ZNF438: variants seen among roughly 807,000 people sequenced by gnomAD.
ZNF438 encodes the protein zinc finger protein 438.
A neutral mutation model predicts 38.0 loss-of-function variants in ZNF438; 25 were observed. That is an observed-to-expected ratio of 0.66 (90% CI 0.48 to 0.92). ZNF438 has a LOEUF of 0.92. Among genes scored for constraint, ZNF438 ranks in the 40% least tolerant of loss-of-function variants. The probability of loss-of-function intolerance (pLI) is 0.00; values close to 1 mark genes in which losing one functional copy is unlikely to be tolerated. For missense variants in ZNF438, 1,007 were observed against 999.6 expected (o/e 1.01, Z -0.10); for synonymous variants, 372 against 364.1 (o/e 1.02, Z -0.25).
At chr10:30,848,951 T>C (rs539014645) in exon 5 of ZNF438, 1 of 1,614,122 alleles carries the variant, frequency 6.2e-7, no homozygotes, top group South Asian at 1.1e-5. Flanking sequence ...GGAAGAGCTG[T>C]TGTCTTGCTT....
chr10:30,983,208 G>A (rs1354253395), intron 1 of ZNF438, among the ~76,000 whole-genome samples: 1 of 152,214 alleles, frequency 6.6e-6, no homozygotes, highest in African/African-American at 2.4e-5. Flanking sequence ...CCAAGTACGA[G>A]GAGATGTCCG....
At chr10:31,016,474 TA>T (rs2133198110) in intron 1 of ZNF438, among the ~76,000 whole-genome samples, 1 of 152,324 alleles carries the variant, frequency 6.6e-6, no homozygotes, top group African/African-American at 2.4e-5. Flanking sequence ...GTGGCTCAGA[TA>T]AAAAAAGAAT....
intron 4 of ZNF438, among the ~76,000 whole-genome samples, chr10:30,863,238 C>T (rs1256604828): frequency 6.6e-6 from 1 of 152,188 alleles, no homozygotes; most frequent in Non-Finnish European, 1.5e-5. Context: ...TGAAGACACA[C>T]CTTTCCTTAA....
At chr10:30,849,443 C>A (rs1484939186) in exon 5 of ZNF438, 3 of 1,614,110 alleles carry the variant, frequency 1.9e-6, no homozygotes, top group Non-Finnish European at 2.5e-6. Flanking sequence ...GGCCTTAGGT[C>A]CTGGTAAAGA....
chr10:30,868,109 G>A (rs1368251446), intron 4 of ZNF438, among the ~76,000 whole-genome samples: 2 of 143,270 alleles, frequency 1.4e-5, no homozygotes, highest in African/African-American at 5.2e-5. Flanking sequence ...CGCTTTTGTT[G>A]CCCAGGCTGG....
intron 4 of ZNF438, among the ~76,000 whole-genome samples, chr10:30,874,112 GTGTATATATA>G (rs2037982382): frequency 1.4e-4 from 5 of 36,074 alleles, no homozygotes; most frequent in African/African-American, 1.7e-4. Flanking sequence ...GGGTGTGTGT[GTGTATATATA>G]TATATATATA....
chr10:30,873,699 A>G (rs1392549087), intron 4 of ZNF438, among the ~76,000 whole-genome samples: 1 of 152,208 alleles, frequency 6.6e-6, no homozygotes. Flanking sequence ...TTTAGAGCCT[A>G]AAAGCTCAGG....
intron 2 of ZNF438, chr10:30,920,383 G>C (rs1327412224): frequency 6.6e-6 from 1 of 152,192 alleles, no homozygotes; most frequent in Non-Finnish European, 1.5e-5. Context: ...CATAGGAAAT[G>C]AAATACCTTT....
At chr10:30,968,732 G>A (rs1037020240) in intron 1 of ZNF438, among the ~76,000 whole-genome samples, 11 of 151,974 alleles carry the variant, frequency 7.2e-5, no homozygotes, top group East Asian at 3.9e-4. Flanking sequence ...GTGAGCCACC[G>A]TGCCCAGCCT....
chr10:30,856,085 C>T (rs1471456790), intron 4 of ZNF438, among the ~76,000 whole-genome samples: 1 of 152,164 alleles, frequency 6.6e-6, no homozygotes, highest in Non-Finnish European at 1.5e-5. Context: ...GAGTGTGTGT[C>T]TATGCATAAA....
At chr10:30,908,617 T>A (rs1220718170) in intron 3 of ZNF438, among the ~76,000 whole-genome samples, 1 of 152,192 alleles carries the variant, frequency 6.6e-6, no homozygotes, top group African/African-American at 2.4e-5. Context: ...TAATTTCATA[T>A]CTATCTCATG....
At chr10:30,901,343 G>C (rs2041955390) in intron 3 of ZNF438, among the ~76,000 whole-genome samples, 2 of 152,182 alleles carry the variant, frequency 1.3e-5, no homozygotes, top group South Asian at 4.1e-4. Context: ...GTGGGTTCTT[G>C]GTCTCACTGA....
chr10:30,856,998 C>T (rs549022369), intron 4 of ZNF438, among the ~76,000 whole-genome samples: 17 of 152,156 alleles, frequency 1.1e-4, no homozygotes, highest in African/African-American at 3.4e-4. Context: ...CCAAACTCTG[C>T]GAATAAGTAT....
intron 4 of ZNF438, among the ~76,000 whole-genome samples, chr10:30,872,319 G>A (rs1344983411): frequency 2.6e-5 from 4 of 151,406 alleles, no homozygotes; most frequent in South Asian, 4.2e-4. Context: ...CCAGCTATTC[G>A]GGAGGCTGAG....
intron 1 of ZNF438, among the ~76,000 whole-genome samples, chr10:30,997,789 C>T (rs1227090358): frequency 2.0e-5 from 3 of 152,100 alleles, no homozygotes; most frequent in Non-Finnish European, 4.4e-5. Context: ...TCTTTTCTTA[C>T]AGTCATGGGT....
chr10:30,986,170 T>C (rs1394398269), intron 1 of ZNF438, among the ~76,000 whole-genome samples: 1 of 152,212 alleles, frequency 6.6e-6, no homozygotes, highest in Non-Finnish European at 1.5e-5. Context: ...CACCTAATGA[T>C]ACATTTCTCA....
chr10:30,930,221 C>T (rs916372096), intron 2 of ZNF438, among the ~76,000 whole-genome samples: 3 of 151,714 alleles, frequency 2.0e-5, no homozygotes, highest in African/African-American at 4.9e-5. Flanking sequence ...CCCTGCCTGG[C>T]GGGAAGGTGG....
intron 4 of ZNF438, among the ~76,000 whole-genome samples, chr10:30,867,288 C>T (rs564230725): frequency 5.3e-5 from 8 of 151,522 alleles, no homozygotes; most frequent in African/African-American, 1.9e-4. Context: ...AAGATATTTG[C>T]AGAAAATGTA....
intron 2 of ZNF438, among the ~76,000 whole-genome samples, chr10:30,934,191 CT>C (rs1317047469): frequency 2.0e-5 from 3 of 151,486 alleles, no homozygotes; most frequent in African/African-American, 7.3e-5. Context: ...CACTTGAGGA[CT>C]GGGGAACCCT....
Sources: allele counts gnomAD v4.1 joint callset (sites outside exome capture counted in the v4.1 genomes callset), GRCh38; gene constraint gnomAD v4.1.1; transcripts MANE v1.5; gene names NCBI Gene and HGNC (gene_info 2026-07-23, HGNC 2026-07-21).